The following R3HCC1L variants were observed in gnomAD, a reference collection of about 807,000 sequenced individuals.
R3HCC1L encodes the protein coiled-coil domain-containing protein R3HCC1L.
A neutral mutation model predicts 59.9 loss-of-function variants in R3HCC1L; 51 were observed. The ratio of observed to expected loss-of-function variants is 0.85; its 90% CI spans 0.68 to 1.07. R3HCC1L has a LOEUF of 1.07. Ranked by LOEUF, R3HCC1L falls within the 50% of genes least tolerant of loss-of-function variation. The pLI, the probability that R3HCC1L is intolerant of heterozygous loss-of-function variation, is 0.00. For synonymous variants in R3HCC1L, 322 were observed against 315.2 expected, an observed-to-expected ratio of 1.02 and a Z score of -0.23; for missense variants, 965 against 933.0, an observed-to-expected ratio of 1.03 and a Z score of -0.45.
chr10:98,141,716 C>G (rs546243505), intron 1 of R3HCC1L, among the ~76,000 whole-genome samples: 2 of 152,184 alleles, frequency 1.3e-5, no homozygotes, highest in Admixed American at 6.5e-5. Context: ...CACCTACCTA[C>G]CCAGATAGGC....
chr10:98,191,529 G>T (rs1449147429), intron 4 of R3HCC1L, among the ~76,000 whole-genome samples: 1 of 152,156 alleles, frequency 6.6e-6, no homozygotes, highest in Non-Finnish European at 1.5e-5. Context: ...ATTTGTTTAA[G>T]TTCTTTGTAG....
At chr10:98,206,563 TC>T (rs1178870678) in intron 4 of R3HCC1L, among the ~76,000 whole-genome samples, 2 of 151,166 alleles carry the variant, frequency 1.3e-5, no homozygotes, top group Non-Finnish European at 2.9e-5. Flanking sequence ...GGCTATATAA[TC>T]CTCCTTTAAC....
intron 1 of R3HCC1L, among the ~76,000 whole-genome samples, chr10:98,153,591 C>T (rs1046863750): frequency 7.4e-5 from 10 of 135,840 alleles, no homozygotes; most frequent in Non-Finnish European, 1.4e-4. Context: ...CTGCGAGAAA[C>T]ACCCAAGAAT....
chr10:98,162,087 TC>T (rs1278144165), intron 2 of R3HCC1L, among the ~76,000 whole-genome samples: 2 of 152,192 alleles, frequency 1.3e-5, no homozygotes, highest in Admixed American at 1.3e-4. Flanking sequence ...CGTATTTAAC[TC>T]CTCGATAAAT....
chr10:98,210,006 G>A (rs1452899526), intron 5 of R3HCC1L, 107 bp downstream of exon 5: 1 of 827,434 alleles, frequency 1.2e-6, no homozygotes, highest in Admixed American at 2.6e-5. Flanking sequence ...AAGAGTTCCT[G>A]CAATAAACTA....
intron 5 of R3HCC1L, among the ~76,000 whole-genome samples, chr10:98,212,255 C>T (rs752524117): frequency 2.0e-5 from 3 of 152,198 alleles, no homozygotes; most frequent in Non-Finnish European, 2.9e-5. Flanking sequence ...TTGCTCCAAA[C>T]ATACTTTATT....
intron 5 of R3HCC1L, among the ~76,000 whole-genome samples, chr10:98,226,649 T>G (rs1399773828): frequency 6.6e-6 from 1 of 152,232 alleles, no homozygotes; most frequent in African/African-American, 2.4e-5. Flanking sequence ...TCTAGTAAGC[T>G]TCTTGATTTC....
chr10:98,224,771 G>GT (rs1278220632), intron 5 of R3HCC1L, among the ~76,000 whole-genome samples: 2 of 152,168 alleles, frequency 1.3e-5, no homozygotes, highest in African/African-American at 4.8e-5. Context: ...TCTACCATCT[G>GT]TTTTTGCTCT....
At chr10:98,181,237 A>G (rs1161539216) in intron 4 of R3HCC1L, among the ~76,000 whole-genome samples, 1 of 152,064 alleles carries the variant, frequency 6.6e-6, no homozygotes, top group Non-Finnish European at 1.5e-5. Flanking sequence ...TGGTGACAAA[A>G]TCTCTCAGCA....
At chr10:98,220,789 T>G (rs1854828296) in intron 5 of R3HCC1L, among the ~76,000 whole-genome samples, 1 of 151,720 alleles carries the variant, frequency 6.6e-6, no homozygotes, top group African/African-American at 2.4e-5. Context: ...TGTTGGACAT[T>G]TGGGTTGGTT....
At chr10:98,223,388 G>C (rs550328005) in intron 5 of R3HCC1L, among the ~76,000 whole-genome samples, 7 of 151,886 alleles carry the variant, frequency 4.6e-5, no homozygotes, top group African/African-American at 1.7e-4. Flanking sequence ...ATTTTTCATT[G>C]GAATGTTGGT....
chr10:98,163,642 G>A (rs1847654151), intron 4 of R3HCC1L, among the ~76,000 whole-genome samples: 2 of 152,142 alleles, frequency 1.3e-5, no homozygotes, highest in Admixed American at 1.3e-4. Context: ...TAAATATTGG[G>A]ATTCGTTTTC....
At position 98,208,385 on chromosome 10, in the gene R3HCC1L, A is replaced by G. The variant is rs372164414; in HGVS notation, c.271A>G (p.Lys91Glu). 3.1e-6 allele frequency: 5 copies of G among 1,614,010 alleles called. No homozygotes were observed. Among genetic ancestry groups the G allele is most frequent in the Non-Finnish European group, 2.5e-6 (3 of 1,179,994 alleles). ...NCREEKKSST[K>E]LRMDTCLQKT... is the part of the protein sequence containing the mutation. ...TAGAGAAGAAAAGAAATCTTCAACA[A>G]AATTAAGAATGGACACATGCCTTCA... The change falls in exon 5 of 10, where the codon AAA (lysine) becomes GAA (glutamate). Residue 91 changes from lysine (K) to glutamate (E), a missense_variant. Transcript: ENST00000298999.
At chr10:98,158,237 G>A (rs2134129929) in intron 2 of R3HCC1L, among the ~76,000 whole-genome samples, 1 of 152,186 alleles carries the variant, frequency 6.6e-6, no homozygotes, top group African/African-American at 2.4e-5. Context: ...CATACTATAT[G>A]CATTATTTTG....
Position 98,208,763 on chromosome 10 carries a change from C to T in R3HCC1L, c.649C>T (p.Leu217=). The change falls in exon 5 of 10, where the codon CTA becomes TTA. Residue 217 remains leucine (L), a synonymous_variant. Coordinates refer to ENST00000298999, the MANE Select transcript of R3HCC1L (RefSeq NM_001351015.2). ...AACTGATACCAAGGTTTTGGAGATA[C>T]TATATGAGTTTCCTAGAGTTTTTAG... is the stretch of plus-strand genomic sequence containing the variant. ...IETDTKVLEI[L]YEFPRVFSSV... 6.2e-7 allele frequency: 1 copy of T among 1,614,068 alleles called. No homozygotes were observed. Among genetic ancestry groups the T allele is most frequent in the Non-Finnish European group, 8.5e-7 (1 of 1,179,990 alleles).
Position 98,141,018 on chromosome 10 carries a change from T to G in R3HCC1L, c.-268+6312T>G, listed in dbSNP as rs76639232. Among the ~76,000 whole-genome samples, 331 of 149,248 alleles carry G rather than the reference T, an allele frequency of 2.2e-3. 1 individual carries two copies. Among genetic ancestry groups the G allele is most frequent in the African/African-American group, 7.7e-3 (313 of 40,668 alleles). The stretch of plus-strand genomic sequence containing the variant: ...CATAATGAGGCCCACATTTTTCATG[T>G]TTTTTTTTTCCCAGTCTTCTTTTTC... On this transcript the variant is annotated intron_variant, in intron 1 of 9. Coordinates refer to ENST00000298999, the MANE Select transcript of R3HCC1L (RefSeq NM_001351015.2).
At chr10:98,236,795 T>C (rs1429228382) in intron 9 of R3HCC1L, among the ~76,000 whole-genome samples, 2 of 152,158 alleles carry the variant, frequency 1.3e-5, no homozygotes, top group Admixed American at 6.5e-5. Flanking sequence ...AAAATCTCTC[T>C]CTCCTCTACA....
chr10:98,167,076 T>C (rs996058069), intron 4 of R3HCC1L, among the ~76,000 whole-genome samples: 3 of 152,168 alleles, frequency 2.0e-5, no homozygotes, highest in Non-Finnish European at 4.4e-5. Flanking sequence ...CTTTTACCCA[T>C]CTTTAACAAT....
chr10:98,164,186 G>GA (rs1847718302), intron 4 of R3HCC1L, among the ~76,000 whole-genome samples: 1 of 152,158 alleles, frequency 6.6e-6, no homozygotes, highest in Non-Finnish European at 1.5e-5. Context: ...AAATTGGATG[G>GA]AAACTATGAC....
Sources: allele counts gnomAD v4.1 joint callset (sites outside exome capture counted in the v4.1 genomes callset), GRCh38; gene constraint gnomAD v4.1.1; transcripts MANE v1.5; gene names NCBI Gene and HGNC (gene_info 2026-07-23, HGNC 2026-07-21).